LRGUK: variants seen among roughly 807,000 people sequenced by gnomAD.
LRGUK encodes leucine rich repeats and guanylate kinase domain containing, also known as leucine-rich repeat and guanylate kinase domain-containing protein.
In LRGUK, 65 loss-of-function variants were observed where a neutral mutation model predicts 76.0. That is an observed-to-expected ratio of 0.85 (90% CI 0.70 to 1.05). The LOEUF is 1.05. Ranked by LOEUF, LRGUK falls within the 50% of genes least tolerant of loss-of-function variation. The pLI is 0.00. For synonymous variants in LRGUK, 268 were observed against 265.6 expected (o/e 1.01, Z -0.09); for missense variants, 758 against 732.8 (o/e 1.03, Z -0.40).
chr7:134,185,639 A>G (rs546655761), intron 11 of LRGUK, among the ~76,000 whole-genome samples: 2 of 152,120 alleles, frequency 1.3e-5, no homozygotes, highest in Admixed American at 6.5e-5. Context: ...CAAAGAAATT[A>G]CTTTTAGATT....
chr7:134,236,912 G>T (rs1378186425), intron 16 of LRGUK, among the ~76,000 whole-genome samples: 1 of 152,124 alleles, frequency 6.6e-6, no homozygotes, highest in Non-Finnish European at 1.5e-5. Context: ...CAATTAATAT[G>T]CTGGGGATTG....
At chr7:134,219,235 CTA>C (rs1454540273) in intron 15 of LRGUK, among the ~76,000 whole-genome samples, 1 of 152,130 alleles carries the variant, frequency 6.6e-6, no homozygotes, top group African/African-American at 2.4e-5. Flanking sequence ...ATTAAGAACT[CTA>C]TGAAAGTCTT....
chr7:134,179,140 C>T (rs1028436224), intron 10 of LRGUK, among the ~76,000 whole-genome samples: 4 of 152,104 alleles, frequency 2.6e-5, no homozygotes, highest in African/African-American at 9.7e-5. Context: ...CTAAGGAAAA[C>T]CTGAAACAGT....
At chr7:134,225,137 A>AAAC in intron 16 of LRGUK, among the ~76,000 whole-genome samples, 1 of 151,028 alleles carries the variant, frequency 6.6e-6, no homozygotes, top group East Asian at 1.9e-4. Flanking sequence ...AAAAAAAAAA[A>AAAC]AAAAAAAAAA....
intron 16 of LRGUK, among the ~76,000 whole-genome samples, chr7:134,240,378 A>T (rs1312566890): frequency 6.6e-6 from 1 of 152,352 alleles, no homozygotes; most frequent in East Asian, 1.9e-4. Context: ...GGAGCTGAAA[A>T]CCATGGCACA....
At chr7:134,244,773 A>G (rs1193013263) in intron 16 of LRGUK, among the ~76,000 whole-genome samples, 2 of 152,196 alleles carry the variant, frequency 1.3e-5, no homozygotes, top group Non-Finnish European at 2.9e-5. Flanking sequence ...TTGCGGCACT[A>G]TTCACAATAG....
rs189567601 is a variant in LRGUK, at chr7:134,201,417, T to G, written c.1748-64T>G. The G allele has an allele frequency of 3.9e-4, 474 of 1,207,634 alleles. 2 individuals carry two copies. The highest frequency in any genetic ancestry group is 5.7e-4 in the Admixed American group (32 of 55,882). 74.8% of individuals were successfully genotyped at this position (1,207,634 alleles called of 1,614,324 possible). A position where few individuals can be genotyped will look rare whatever the true frequency, so the allele number is the denominator to read the frequency against. On this transcript the variant is annotated intron_variant, in intron 14 of 15. Transcript: ENST00000645682. The stretch of plus-strand genomic sequence containing the variant: ...GCAGTAAACAAATCATTACCACCGA[T>G]AGTTGAACATCAACTGTATTGGATG...
intron 12 of LRGUK, among the ~76,000 whole-genome samples, chr7:134,192,273 G>A (rs2117055549): frequency 6.6e-6 from 1 of 152,278 alleles, no homozygotes; most frequent in East Asian, 1.9e-4. Context: ...ATGTTACCAT[G>A]GTCATGTTCC....
At chr7:134,246,493 T>G (rs1802305294) in intron 16 of LRGUK, among the ~76,000 whole-genome samples, 2 of 152,260 alleles carry the variant, frequency 1.3e-5, no homozygotes, top group Admixed American at 1.3e-4. Context: ...AAGCAAACAC[T>G]TGAAACTATG....
chr7:134,258,169 C>G (rs987247121), intron 18 of LRGUK, 88 bp from the exon 19 acceptor site: 7 of 1,513,514 alleles, frequency 4.6e-6, no homozygotes, highest in Non-Finnish European at 6.4e-6. Flanking sequence ...ATAAAGGTAA[C>G]CCAGTGAAGT....
chr7:134,243,035 T>G (rs13308555), intron 16 of LRGUK, among the ~76,000 whole-genome samples: 11,003 of 152,084 alleles, frequency 0.072, 976 homozygotes, highest in African/African-American at 0.2. Flanking sequence ...AATAAACTAG[T>G]TATTGATGGG....
chr7:134,263,985 T>G lies in LRGUK; in HGVS notation c.*10T>G, dbSNP rs779513949. ...TCAGGGCCGCAGGTAGACTAGCACTTGATGTCTGATCCTAACATGGAAAAC... is the reference window on the plus strand; with the variant it reads ...TCAGGGCCGCAGGTAGACTAGCACTGGATGTCTGATCCTAACATGGAAAAC... On this transcript the variant is annotated 3_prime_UTR_variant, in exon 20 of 20. Transcript: ENST00000285928. The G allele has an allele frequency of 9.4e-6, 15 of 1,601,134 alleles. No homozygotes were observed. In the African/African-American group the frequency reaches 1.9e-4, roughly 20 times the overall value.
chr7:134,207,273 T>C (rs762220448), intron 15 of LRGUK, among the ~76,000 whole-genome samples: 17 of 152,162 alleles, frequency 1.1e-4, no homozygotes, highest in African/African-American at 3.4e-4. Context: ...TTTCCAAAAT[T>C]TGTCATTACC....
At chr7:134,200,314 GGCGTGAGCCAC>G (rs1800715047) in intron 14 of LRGUK, among the ~76,000 whole-genome samples, 1 of 151,768 alleles carries the variant, frequency 6.6e-6, no homozygotes, top group Admixed American at 6.6e-5. Context: ...TGGGATTACA[GGCGTGAGCCAC>G]CGCACCTGGC....
downstream of LRGUK, among the ~76,000 whole-genome samples, chr7:134,266,140 G>C (rs953610069): frequency 1.3e-5 from 2 of 152,156 alleles, no homozygotes; most frequent in African/African-American, 4.8e-5. Flanking sequence ...CACTGGTATG[G>C]TGTCAGAAAC....
chr7:134,214,449 TC>T (rs1455762910), downstream of LRGUK, among the ~76,000 whole-genome samples: 6 of 152,324 alleles, frequency 3.9e-5, no homozygotes, highest in Non-Finnish European at 5.9e-5. Flanking sequence ...GCAAGGATGT[TC>T]ATATCAGTGT....
chr7:134,191,259 A>T (rs1483464311), intron 11 of LRGUK, among the ~76,000 whole-genome samples: 2 of 152,218 alleles, frequency 1.3e-5, no homozygotes, highest in African/African-American at 4.8e-5. Flanking sequence ...CTGAGAAACA[A>T]GTAGGCCAGC....
downstream of LRGUK, among the ~76,000 whole-genome samples, chr7:134,269,259 T>A (rs1333803975): frequency 6.6e-6 from 1 of 152,158 alleles, no homozygotes; most frequent in Non-Finnish European, 1.5e-5. Context: ...TCCAGATACT[T>A]ACAGATTTTC....
At chr7:134,246,132 A>G (rs1748249948) in intron 16 of LRGUK, among the ~76,000 whole-genome samples, 1 of 152,190 alleles carries the variant, frequency 6.6e-6, no homozygotes, top group African/African-American at 2.4e-5. Context: ...CAAAAGCTTG[A>G]CCTAGACTTT....
Sources: gnomAD v4.1 joint callset for allele counts (sites outside exome capture counted in the v4.1 genomes callset) on GRCh38, gnomAD v4.1.1 for gene constraint, MANE v1.5 for transcripts, NCBI Gene and HGNC (gene_info 2026-07-23, HGNC 2026-07-21) for gene names.